Variants in RBFOX1 observed in about 807,000 individuals in gnomAD.
The protein encoded by RBFOX1 is RNA binding protein fox-1 homolog 1.
A neutral mutation model predicts 57.7 loss-of-function variants in RBFOX1; 8 were observed. The observed-to-expected ratio is 0.14, with a 90% CI of 0.08 to 0.25. RBFOX1 has a LOEUF of 0.25. RBFOX1 is among the 10% of genes least tolerant of loss of function. RBFOX1 has a pLI of 1.00. For missense variants in RBFOX1, 611 were observed against 548.5 expected, an observed-to-expected ratio of 1.11 and a Z score of -1.14; for synonymous variants, 326 against 222.4, an observed-to-expected ratio of 1.47 and a Z score of -4.15.
intron 1 of RBFOX1, among the ~76,000 whole-genome samples, chr16:5,279,163 G>C (rs990561013): frequency 6.6e-6 from 1 of 152,074 alleles, no homozygotes; most frequent in Non-Finnish European, 1.5e-5. Context: ...TCTCTAGATT[G>C]CTTCGGGTAG....
intron 3 of RBFOX1, among the ~76,000 whole-genome samples, chr16:6,750,340 G>A (rs1044963329): frequency 1.3e-5 from 2 of 152,200 alleles, no homozygotes; most frequent in African/African-American, 4.8e-5. Flanking sequence ...GAGGAGCTTG[G>A]TGATAGATGC....
intron 5 of RBFOX1, among the ~76,000 whole-genome samples, chr16:7,531,179 C>A (rs2079977330): frequency 6.6e-6 from 1 of 152,138 alleles, no homozygotes; most frequent in Non-Finnish European, 1.5e-5. Flanking sequence ...ACAATCCAAA[C>A]AATATGGGCT....
chr16:5,349,793 G>A (rs558166526), intron 1 of RBFOX1, among the ~76,000 whole-genome samples: 46 of 152,318 alleles, frequency 3.0e-4, no homozygotes, highest in African/African-American at 1.1e-3. Context: ...CACAGGAGCC[G>A]GGCTGTGCTG....
At chr16:6,215,331 AG>A (rs1411931678) in intron 1 of RBFOX1, among the ~76,000 whole-genome samples, 3 of 117,292 alleles carry the variant, frequency 2.6e-5, no homozygotes. Flanking sequence ...CAGAGAGGGG[AG>A]GGGGAGAAGG....
At chr16:7,109,017 G>A (rs533636853) in intron 4 of RBFOX1, among the ~76,000 whole-genome samples, 29 of 152,234 alleles carry the variant, frequency 1.9e-4, no homozygotes, top group Non-Finnish European at 4.0e-4. Context: ...TGGAAAAGAG[G>A]GCAGTATACG....
intron 3 of RBFOX1, among the ~76,000 whole-genome samples, chr16:6,895,173 A>T (rs2066455323): frequency 6.6e-6 from 1 of 152,006 alleles, no homozygotes. Context: ...ATATTAACAA[A>T]ATCCTCTAGT....
intron 3 of RBFOX1, among the ~76,000 whole-genome samples, chr16:6,951,961 C>A (rs1005031731): frequency 6.6e-6 from 1 of 152,162 alleles, no homozygotes; most frequent in Non-Finnish European, 1.5e-5. Flanking sequence ...GTCTCGAACA[C>A]CTGATCTCTT....
chr16:6,579,230 G>T (rs1643408782), intron 2 of RBFOX1, among the ~76,000 whole-genome samples: 1 of 151,972 alleles, frequency 6.6e-6, no homozygotes, highest in South Asian at 2.1e-4. Flanking sequence ...TTGAGAAAAG[G>T]TCTTATTCTG....
At chr16:7,607,694 A>G (rs1046174425) in intron 10 of RBFOX1, among the ~76,000 whole-genome samples, 1 of 152,156 alleles carries the variant, frequency 6.6e-6, no homozygotes, top group African/African-American at 2.4e-5. Flanking sequence ...TTAGCCATAC[A>G]TTTCCATTTG....
intron 4 of RBFOX1, among the ~76,000 whole-genome samples, chr16:7,233,342 ATTC>A (rs1441535713): frequency 6.6e-6 from 1 of 151,762 alleles, no homozygotes; most frequent in East Asian, 1.9e-4. Context: ...GCTCTTCTAT[ATTC>A]TTTTCCATGA....
intron 4 of RBFOX1, among the ~76,000 whole-genome samples, chr16:7,068,763 A>AT (rs967698038): frequency 6.6e-6 from 1 of 151,934 alleles, no homozygotes; most frequent in Non-Finnish European, 1.5e-5. Context: ...AATTTTTTGT[A>AT]TTTTTAGCAG....
At chr16:6,141,589 C>G (rs1357199163) in intron 1 of RBFOX1, among the ~76,000 whole-genome samples, 1 of 152,172 alleles carries the variant, frequency 6.6e-6, no homozygotes, top group Non-Finnish European at 1.5e-5. Flanking sequence ...CTTGTCCAAT[C>G]CACCACTAAG....
At chr16:5,287,478 A>G (rs2063424596) in intron 1 of RBFOX1, among the ~76,000 whole-genome samples, 1 of 152,248 alleles carries the variant, frequency 6.6e-6, no homozygotes, top group Non-Finnish European at 1.5e-5. Context: ...ACAGAGATAA[A>G]GGACGGTCGC....
chr16:6,517,395 T>C (rs2096401668), intron 2 of RBFOX1, among the ~76,000 whole-genome samples: 1 of 152,150 alleles, frequency 6.6e-6, no homozygotes, highest in Non-Finnish European at 1.5e-5. Flanking sequence ...ATCTTAGGCA[T>C]GACAGTTTAT....
chr16:6,277,972 T>C (rs2076002929), intron 1 of RBFOX1, among the ~76,000 whole-genome samples: 1 of 152,130 alleles, frequency 6.6e-6, no homozygotes, highest in Non-Finnish European at 1.5e-5. Flanking sequence ...CAAGTAATCA[T>C]TGGGTAGGTG....
chr16:5,510,530 G>C (rs2043546813), intron 2 of RBFOX1, among the ~76,000 whole-genome samples: 1 of 152,168 alleles, frequency 6.6e-6, no homozygotes, highest in South Asian at 2.1e-4. Context: ...GCGTGGCTGA[G>C]TCCAGGCTCA....
At chr16:7,039,413 C>A (rs1009748342) in intron 3 of RBFOX1, among the ~76,000 whole-genome samples, 19 of 152,172 alleles carry the variant, frequency 1.2e-4, no homozygotes, top group African/African-American at 4.1e-4. Flanking sequence ...TGGGTGTGTT[C>A]TCCAAGCTAT....
At chr16:5,272,455 G>C (rs1038237082) in intron 1 of RBFOX1, among the ~76,000 whole-genome samples, 1 of 152,160 alleles carries the variant, frequency 6.6e-6, no homozygotes, top group Admixed American at 6.5e-5. Context: ...CAGAGTCCTT[G>C]GTCCACGAAT....
chr16:6,048,564 C>T (rs1025721039), intron 1 of RBFOX1, among the ~76,000 whole-genome samples: 2 of 152,178 alleles, frequency 1.3e-5, no homozygotes, highest in African/African-American at 2.4e-5. Flanking sequence ...TAAAACACCA[C>T]AAATAACTCT....
Sources: allele counts gnomAD v4.1 joint callset (sites outside exome capture counted in the v4.1 genomes callset), GRCh38; gene constraint gnomAD v4.1.1; transcripts MANE v1.5; gene names NCBI Gene and HGNC (gene_info 2026-07-23, HGNC 2026-07-21).